Variants in TMEM245 observed in about 807,000 individuals in gnomAD.
TMEM245 encodes the protein protein CG-2.
TMEM245 carries 69 observed loss-of-function variants against 101.2 expected under a neutral mutation model. The ratio of observed to expected loss-of-function variants is 0.68; its 90% CI spans 0.56 to 0.83. TMEM245 has a LOEUF of 0.83. Among genes scored for constraint, TMEM245 ranks in the 40% least tolerant of loss-of-function variants. The pLI, the probability that TMEM245 is intolerant of heterozygous loss-of-function variation, is 0.00. For missense variants in TMEM245, 1,075 were observed against 1,092.8 expected, an observed-to-expected ratio of 0.98 and a Z score of 0.23; for synonymous variants, 537 against 449.8, an observed-to-expected ratio of 1.19 and a Z score of -2.45.
chr9:109,046,100 T>C (rs956377165), intron 14 of TMEM245: 4 of 269,350 alleles, frequency 1.5e-5, no homozygotes, highest in African/African-American at 4.3e-5. Flanking sequence ...GGAAGCATGT[T>C]CACTTTCCAA....
intron 3 of TMEM245, among the ~76,000 whole-genome samples, chr9:109,097,286 G>C (rs1830167150): frequency 6.6e-6 from 1 of 152,196 alleles, no homozygotes; most frequent in Non-Finnish European, 1.5e-5. Flanking sequence ...AGACACAAAG[G>C]CAAGAAAAAG....
At chr9:109,037,986 C>T (rs776211041) in intron 15 of TMEM245, 31 bp downstream of exon 15, 23 of 1,489,994 alleles carry the variant, frequency 1.5e-5, no homozygotes, top group East Asian at 1.2e-4. Flanking sequence ...CCTTAAATAG[C>T]GAATAGTGGA....
At chr9:109,048,257 G>A (rs1487279501) in intron 14 of TMEM245, among the ~76,000 whole-genome samples, 1 of 152,144 alleles carries the variant, frequency 6.6e-6, no homozygotes, top group African/African-American at 2.4e-5. Flanking sequence ...CCCAGGCCTT[G>A]CTAGTAGGAA....
intron 5 of TMEM245, among the ~76,000 whole-genome samples, 159 bp from the exon 6 acceptor site, chr9:109,087,501 C>T (rs1045784620): frequency 6.6e-6 from 1 of 152,128 alleles, no homozygotes; most frequent in African/African-American, 2.4e-5. Flanking sequence ...AAGTACTCCC[C>T]ACACAGATGG....
At chr9:109,049,463 C>T (rs1828606207) in intron 14 of TMEM245, among the ~76,000 whole-genome samples, 1 of 152,206 alleles carries the variant, frequency 6.6e-6, no homozygotes, top group Non-Finnish European at 1.5e-5. Context: ...ATCCTCCTGC[C>T]TCAGCCTCCC....
chr9:109,063,694 A>G (rs567370292), intron 10 of TMEM245, among the ~76,000 whole-genome samples: 23 of 152,192 alleles, frequency 1.5e-4, no homozygotes, highest in African/African-American at 5.3e-4. Flanking sequence ...TTCCTCTATC[A>G]TTCATTTCCC....
At chr9:109,094,072 A>C (rs896024241) in intron 3 of TMEM245, among the ~76,000 whole-genome samples, 5 of 152,216 alleles carry the variant, frequency 3.3e-5, no homozygotes, top group Non-Finnish European at 7.3e-5. Context: ...AACCATATAG[A>C]TTTATAAATT....
intron 3 of TMEM245, among the ~76,000 whole-genome samples, chr9:109,103,194 T>TA (rs1471966646): frequency 6.6e-6 from 1 of 152,178 alleles, no homozygotes; most frequent in Non-Finnish European, 1.5e-5. Flanking sequence ...TGACTGAACT[T>TA]ACATATGCAG....
chr9:109,033,913 T>C (rs1828042804), intron 16 of TMEM245, among the ~76,000 whole-genome samples: 1 of 152,362 alleles, frequency 6.6e-6, no homozygotes, highest in East Asian at 1.9e-4. Context: ...TATGCTTTTA[T>C]ATGACGACAG....
intron 17 of TMEM245, among the ~76,000 whole-genome samples, chr9:109,027,188 G>A (rs753775153): frequency 7.2e-5 from 11 of 152,068 alleles, no homozygotes; most frequent in Non-Finnish European, 1.2e-4. Context: ...AAGTAACTCC[G>A]GAAGTAGGGT....
chr9:109,033,588 C>G, intron 16 of TMEM245, 87 bp from the exon 17 acceptor site: 2 of 1,311,496 alleles, frequency 1.5e-6, no homozygotes, highest in Non-Finnish European at 2.0e-6. Flanking sequence ...CTTTAATACA[C>G]TATGCTTTTT....
chr9:109,034,082 CT>C (rs1308597693), intron 16 of TMEM245, among the ~76,000 whole-genome samples: 2 of 152,196 alleles, frequency 1.3e-5, no homozygotes, highest in Admixed American at 1.3e-4. Flanking sequence ...TGCCCTCCAG[CT>C]TATTACAGTA....
intron 1 of TMEM245, among the ~76,000 whole-genome samples, chr9:109,110,317 AAAT>A (rs977780573): frequency 1.2e-4 from 19 of 152,244 alleles, no homozygotes; most frequent in Non-Finnish European, 1.6e-4. Flanking sequence ...TAACCCCACA[AAAT>A]AATATTATTA....
chr9:109,023,730 G>A (rs1374658347), intron 17 of TMEM245, among the ~76,000 whole-genome samples: 1 of 151,998 alleles, frequency 6.6e-6, no homozygotes, highest in Non-Finnish European at 1.5e-5. Context: ...CAGCTACTCG[G>A]GAGGCTGAGG....
intron 17 of TMEM245, among the ~76,000 whole-genome samples, chr9:109,023,421 T>C (rs567179534): frequency 1.3e-5 from 2 of 152,376 alleles, no homozygotes; most frequent in African/African-American, 4.8e-5. Flanking sequence ...AATACTGTAT[T>C]GACACTATTT....
chr9:109,099,184 C>T (rs889326327), intron 3 of TMEM245, among the ~76,000 whole-genome samples: 4 of 152,324 alleles, frequency 2.6e-5, no homozygotes, highest in African/African-American at 9.6e-5. Context: ...ATACAACTCC[C>T]TCTCAATGGC....
At position 109,019,302 on chromosome 9, in the gene TMEM245, A is replaced by G. The variant is rs1479797822; in HGVS notation, c.*1158T>C. On this transcript the variant is annotated 3_prime_UTR_variant, in exon 18 of 18. Coordinates refer to ENST00000374586, the MANE Select transcript of TMEM245 (RefSeq NM_032012.4). ...CAACGGAGTCAAAGATCTGAGGCCAAATCCTACTACACTTTACGACTTTGA... is the reference window on the plus strand; with the variant it reads ...CAACGGAGTCAAAGATCTGAGGCCAGATCCTACTACACTTTACGACTTTGA... 2.0e-5 allele frequency: 3 copies of G among 152,200 alleles called. No homozygotes were observed. The highest frequency in any genetic ancestry group is 7.2e-5 in the African/African-American group (3 of 41,428). The allele number at this position is 152,200 out of a possible 1,614,324, so 9.4% of individuals were successfully genotyped here.
intron 12 of TMEM245, among the ~76,000 whole-genome samples, chr9:109,054,053 G>A (rs1318414158): frequency 1.3e-4 from 20 of 152,188 alleles, no homozygotes; most frequent in Admixed American, 6.5e-5. Flanking sequence ...ATTATTGGCT[G>A]GGCATGGTGG....
At position 109,060,421 on chromosome 9, in the gene TMEM245, T is replaced by C. The variant is rs148766798; in HGVS notation, c.1655A>G (p.Asn552Ser). ...LHKILGDKVN[N>S]TAVIEKQVLE... ...TACTTGCTTTTCAATTACAGCAGTA[T>C]TGTTCACCTTATCTCCTAGAATTTT... Residue 552 changes from asparagine (N) to serine (S), a missense_variant, in exon 11 of 18, where the codon AAT becomes AGT. By Grantham distance (46) the Asn-to-Ser change is conservative. Around this residue, in one of 2 missense-constraint regions of TMEM245, gnomAD observed 808 missense variants for 741.5 expected, o/e 1.09. Coordinates refer to ENST00000374586, the MANE Select transcript of TMEM245 (RefSeq NM_032012.4). The C allele has an allele frequency of 3.7e-6, 6 of 1,613,642 alleles. No homozygotes were observed. The highest frequency in any genetic ancestry group is 3.3e-4 in the Middle Eastern group (2 of 6,056).
Sources: gnomAD v4.1 joint callset for allele counts (sites outside exome capture counted in the v4.1 genomes callset) on GRCh38, gnomAD v4.1.1 for gene constraint, gnomAD v4.1.1 regional missense constraint, MANE v1.5 for transcripts, NCBI Gene and HGNC (gene_info 2026-07-23, HGNC 2026-07-21) for gene names.